SIRPA: variants seen among roughly 807,000 people sequenced by gnomAD.
SIRPA encodes the protein tyrosine-protein phosphatase non-receptor type substrate 1.
SIRPA carries 9 observed loss-of-function variants against 50.3 expected under a neutral mutation model. The observed-to-expected ratio is 0.18, with a 90% CI of 0.11 to 0.31. SIRPA has a LOEUF of 0.31. Among genes scored for constraint, SIRPA ranks in the 10% least tolerant of loss-of-function variants. The pLI is 1.00. For missense variants in SIRPA, 474 were observed against 661.6 expected (o/e 0.72, Z 3.11); for synonymous variants, 265 against 284.1 (o/e 0.93, Z 0.68).
chr20:1,930,263 G>A (rs1294783465), intron 6 of SIRPA, among the ~76,000 whole-genome samples: 3 of 152,184 alleles, frequency 2.0e-5, no homozygotes, highest in African/African-American at 4.8e-5. Context: ...TCCTGGTGCC[G>A]CAGCGTGGAC....
At chr20:1,922,748 G>C (rs1412937099) in intron 4 of SIRPA, 103 bp downstream of exon 4, 13 of 1,310,366 alleles carry the variant, frequency 9.9e-6, no homozygotes, top group Non-Finnish European at 1.2e-5. Flanking sequence ...GAACAATCTA[G>C]AAGTCTATAA....
chr20:1,895,553 T>C, intron 1 of SIRPA, 27 bp downstream of exon 1: 2 of 1,406,230 alleles, frequency 1.4e-6, no homozygotes, highest in South Asian at 1.6e-5. Context: ...TCCCCACCGC[T>C]GCACTCCCCA....
rs1050336170 is a variant in SIRPA at position 1,933,110 on chromosome 20, G to C, written c.1227-1605G>C. Among the ~76,000 whole-genome samples the C allele has an allele frequency of 2.0e-5, 3 of 152,304 alleles. No homozygotes were observed. In the East Asian group the frequency reaches 5.8e-4, roughly 29 times the overall value. ...CAGCATGGAGCATGCAAAGGCCCTG[G>C]GGCAGCCTGACTGGCATTCATTCCA... On this transcript the variant is annotated intron_variant, in intron 6 of 7. Coordinates refer to ENST00000358771, the MANE Select transcript of SIRPA (RefSeq NM_001040023.2). The surrounding 1 kb of genome is among the most constrained non-coding windows in gnomAD (Gnocchi z 4.4).
Position 1,937,533 on chromosome 20 carries a change from T to G in SIRPA, c.1480T>G (p.Ser494Ala), listed in dbSNP as rs776719258. The G allele has an allele frequency of 6.2e-7, 1 of 1,614,108 alleles. No individual in the cohort carries two copies. Residue 494 changes from serine (S) to alanine (A), a missense_variant, in exon 8 of 8, where the codon TCA becomes GCA. Around this residue, in one of 4 missense-constraint regions of SIRPA, gnomAD observed 180 missense variants for 206.7 expected, o/e 0.87. Transcript: ENST00000358771. This position sits in a 1 kb window ranked among gnomAD's most constrained non-coding sequence, Gnocchi z 8.3. ...GGCCCCCAAGCCTGAGCCGTCCTTC[T>G]CAGAGTACGCCAGCGTCCAGGTCCC... ...QPAPKPEPSFSEYASVQVPRK is the reference protein window; with the variant it reads ...QPAPKPEPSFAEYASVQVPRK
At chr20:1,902,691 G>A (rs753704355) in intron 1 of SIRPA, among the ~76,000 whole-genome samples, 4 of 152,104 alleles carry the variant, frequency 2.6e-5, no homozygotes, top group Non-Finnish European at 5.9e-5. Context: ...AGGGAGGGCC[G>A]CTCTAAGGAG....
chr20:1,934,753 A>G lies in SIRPA; in HGVS notation c.1265A>G (p.Gln422Arg), dbSNP rs748895218. 1.2e-6 allele frequency: 2 copies of G among 1,614,150 alleles called. No homozygotes were observed. The highest frequency in any genetic ancestry group is 4.5e-5 in the East Asian group (2 of 44,870). The part of the protein sequence containing the change: ...EPEKNAREIT[Q>R]DTNDITYADL... Reference sequence around the variant, plus strand: ...GAGAAGAATGCCAGAGAAATAACACAGGTACAGTCCTTGGTGAGATGCCCT... The same window carrying G: ...GAGAAGAATGCCAGAGAAATAACACGGGTACAGTCCTTGGTGAGATGCCCT... The change falls in exon 7 of 8, where the codon CAG becomes CGG. Residue 422 changes from glutamine (Q) to arginine (R), a missense_variant and splice_region_variant. This residue lies in a region of SIRPA where 180 missense variants were observed against 206.7 expected (regional missense o/e 0.87). Coordinates refer to ENST00000358771, the MANE Select transcript of SIRPA (RefSeq NM_001040023.2). This position sits in a 1 kb window ranked among gnomAD's most constrained non-coding sequence, Gnocchi z 4.6.
In SIRPA at chr20:1,895,464, C is replaced by T; in HGVS notation, c.17C>T (p.Pro6Leu). The change falls in exon 1 of 8, where the codon CCG becomes CTG. Residue 6 changes from proline (P) to leucine (L), a missense_variant. This residue lies in a region of SIRPA where 72 missense variants were observed against 76.2 expected (regional missense o/e 0.94). Coordinates refer to ENST00000358771, the MANE Select transcript of SIRPA (RefSeq NM_001040023.2). MEPAG[P>L]APGRLGPLLC... ...CCGCGGCCCATGGAGCCCGCCGGCC[C>T]GGCCCCCGGCCGCCTCGGGCCGCTG... is the stretch of plus-strand genomic sequence containing the variant. The T allele has an allele frequency of 2.8e-6, 4 of 1,426,106 alleles. No individual in the cohort carries two copies. Among genetic ancestry groups the T allele is most frequent in the Non-Finnish European group, 3.6e-6 (4 of 1,096,566 alleles). The allele number at this position is 1,426,106 out of a possible 1,614,324, so 88.3% of individuals were successfully genotyped here.
chr20:1,907,669 G>T (rs1984627722), intron 1 of SIRPA, among the ~76,000 whole-genome samples: 1 of 152,190 alleles, frequency 6.6e-6, no homozygotes. Context: ...CATGTGCGTG[G>T]TCATTGCTCA....
chr20:1,918,360 C>CCTT lies in SIRPA; in HGVS notation c.436+2905_436+2906insCTT, dbSNP rs745958149. Among the ~76,000 whole-genome samples, 73 of 95,676 alleles carry CCTT rather than the reference C, an allele frequency of 7.6e-4. 3 individuals are homozygous for CCTT. The highest frequency in any genetic ancestry group is 1.2e-3 in the East Asian group (4 of 3,450). The allele number at this position is 95,676 out of a possible 152,430, so 62.8% of individuals were successfully genotyped here. On this transcript the variant is annotated intron_variant, in intron 2 of 7. Transcript: ENST00000358771. ...ACAGGGGCACCCACCACCACACCAG[C>CCTT]TTTTTTTTTTTTTTTTTTTTTTTGT... is the stretch of plus-strand genomic sequence containing the variant.
intron 1 of SIRPA, among the ~76,000 whole-genome samples, chr20:1,904,138 G>A (rs919983866): frequency 8.5e-5 from 13 of 152,120 alleles, no homozygotes; most frequent in Non-Finnish European, 1.3e-4. Flanking sequence ...AGCCAGGGCC[G>A]GGATCATACC....
At chr20:1,906,889 G>A (rs1294264285) in intron 1 of SIRPA, among the ~76,000 whole-genome samples, 3 of 152,180 alleles carry the variant, frequency 2.0e-5, no homozygotes, top group Non-Finnish European at 4.4e-5. Context: ...GGATGAAAGG[G>A]AGTCAAGGAA....
Position 1,927,473 on chromosome 20 carries a change from A to G in SIRPA, c.1202-402A>G, listed in dbSNP as rs186058660. 5.6e-4 allele frequency among the ~76,000 whole-genome samples: 86 copies of G among 152,300 alleles called. 1 individual carries two copies. Among genetic ancestry groups the G allele is most frequent in the Non-Finnish European group, 1.1e-3 (74 of 68,022 alleles). Reference sequence around the variant, plus strand: ...GTAGCAGACCCGGGGTTCACACATGATCCCCGATTTGCAGCCCTGCTAGAA... The same window carrying G: ...GTAGCAGACCCGGGGTTCACACATGGTCCCCGATTTGCAGCCCTGCTAGAA... On this transcript the variant is annotated intron_variant, in intron 5 of 7. Transcript: ENST00000358771. The surrounding 1 kb of genome is among the most constrained non-coding windows in gnomAD (Gnocchi z 6.5).
At chr20:1,908,980 T>C (rs1984719590) in intron 1 of SIRPA, among the ~76,000 whole-genome samples, 1 of 152,218 alleles carries the variant, frequency 6.6e-6, no homozygotes, top group Admixed American at 6.5e-5. Flanking sequence ...CACTGCATAC[T>C]CTGGCACACA....
Position 1,936,460 on chromosome 20 carries a change from A to G in SIRPA, c.1267-860A>G, listed in dbSNP as rs1986580506. Among the ~76,000 whole-genome samples the G allele has an allele frequency of 6.6e-6, 1 of 152,192 alleles. No individual in the cohort carries two copies. Among genetic ancestry groups the G allele is most frequent in the South Asian group, 2.1e-4 (1 of 4,818 alleles). Reference sequence around the variant, plus strand: ...TTTACAGATGGAGAAACTGAGGCCCAGAGAGGTTAAGTGAATTGCTCAAAA... The same window carrying G: ...TTTACAGATGGAGAAACTGAGGCCCGGAGAGGTTAAGTGAATTGCTCAAAA... On this transcript the variant is annotated intron_variant, in intron 7 of 7. Transcript: ENST00000358771. The surrounding 1 kb of genome is among the most constrained non-coding windows in gnomAD (Gnocchi z 4.2).
chr20:1,924,884 G>A lies in SIRPA; in HGVS notation c.1201+7G>A. 6.2e-7 allele frequency: 1 copy of A among 1,605,494 alleles called. No homozygotes were observed. Among genetic ancestry groups the A allele is most frequent in the Non-Finnish European group, 8.5e-7 (1 of 1,172,136 alleles). Reference sequence around the variant, plus strand: ...CGAATCAGACAGAAGAAAGGTGGGTGCATTCCCCTCTTCCTCCCTAAGGGT... The same window carrying A: ...CGAATCAGACAGAAGAAAGGTGGGTACATTCCCCTCTTCCTCCCTAAGGGT... On this transcript the variant is annotated splice_region_variant and intron_variant, in intron 5 of 7. Transcript: ENST00000358771. This position sits in a 1 kb window ranked among gnomAD's most constrained non-coding sequence, Gnocchi z 4.5.
At chr20:1,931,934 T>C (rs999951212) in intron 6 of SIRPA, among the ~76,000 whole-genome samples, 1 of 152,164 alleles carries the variant, frequency 6.6e-6, no homozygotes, top group East Asian at 1.9e-4. Flanking sequence ...CTTCCCTGAG[T>C]CTTTCATTTA....
Position 1,932,436 on chromosome 20 carries a change from C to A in SIRPA, c.1227-2279C>A, listed in dbSNP as rs1478010994. 6.6e-6 allele frequency among the ~76,000 whole-genome samples: 1 copy of A among 152,102 alleles called. No homozygotes were observed. Among genetic ancestry groups the A allele is most frequent in the African/African-American group, 2.4e-5 (1 of 41,410 alleles). ...CAAAGGGAACAGCCAGTGCCAAGAC[C>A]CTGAGACGGGAGCAGTCAGATGCAT... On this transcript the variant is annotated intron_variant, in intron 6 of 7. Coordinates refer to ENST00000358771, the MANE Select transcript of SIRPA (RefSeq NM_001040023.2). This position sits in a 1 kb window ranked among gnomAD's most constrained non-coding sequence, Gnocchi z 6.0.
intron 1 of SIRPA, among the ~76,000 whole-genome samples, chr20:1,900,549 G>A (rs111865149): frequency 2.5e-4 from 38 of 152,290 alleles, no homozygotes; most frequent in South Asian, 8.3e-4. Context: ...GTGGATTCCC[G>A]GACCTGCAAA....
Position 1,924,727 on chromosome 20 carries a change from C to A in SIRPA, c.1088-37C>A. ...GTGGGTTTGGTTTTCTGTTTTTAATCTGCATACGTGAAGCCTCTATTCCAT... is the reference window on the plus strand; with the variant it reads ...GTGGGTTTGGTTTTCTGTTTTTAATATGCATACGTGAAGCCTCTATTCCAT... On this transcript the variant is annotated intron_variant, in intron 4 of 7. Transcript: ENST00000358771. The surrounding 1 kb of genome is among the most constrained non-coding windows in gnomAD (Gnocchi z 4.5). The A allele has an allele frequency of 6.4e-7, 1 of 1,561,348 alleles. No individual in the cohort carries two copies. The highest frequency in any genetic ancestry group is 8.8e-7 in the Non-Finnish European group (1 of 1,133,174).
Sources: gnomAD v4.1 joint callset for allele counts (sites outside exome capture counted in the v4.1 genomes callset) on GRCh38, gnomAD v4.1.1 for gene constraint, gnomAD v4.1.1 regional missense constraint, Gnocchi (gnomAD v3.1) non-coding constraint, MANE v1.5 for transcripts, NCBI Gene and HGNC (gene_info 2026-07-23, HGNC 2026-07-21) for gene names.